Variants in ADAMTS6 observed in about 807,000 individuals in gnomAD.
ADAMTS6 encodes ADAM metallopeptidase with thrombospondin type 1 motif 6, also known as A disintegrin and metalloproteinase with thrombospondin motifs 6.
A neutral mutation model predicts 144.3 loss-of-function variants in ADAMTS6; 23 were observed. That is an observed-to-expected ratio of 0.16 (90% CI 0.11 to 0.23). The LOEUF (loss-of-function observed/expected upper bound fraction) is 0.23, where lower values mean the gene tolerates loss of function less well. ADAMTS6 is among the 10% of genes least tolerant of loss of function. The pLI is 1.00. For missense variants in ADAMTS6, 999 were observed against 1,379.6 expected (o/e 0.72, Z 4.37); for synonymous variants, 444 against 457.5 (o/e 0.97, Z 0.38).
chr5:65,218,360 C>G (rs73105135), intron 18 of ADAMTS6, among the ~76,000 whole-genome samples: 21,865 of 152,058 alleles, frequency 0.14, 1,659 homozygotes, highest in Non-Finnish European at 0.17. Context: ...AGTTACTTGA[C>G]ACCCTTTAAA....
intron 22 of ADAMTS6, among the ~76,000 whole-genome samples, chr5:65,186,303 C>T (rs1478550151): frequency 6.6e-6 from 1 of 152,192 alleles, no homozygotes; most frequent in East Asian, 1.9e-4. Context: ...ATTAATTATA[C>T]ATTTATACCT....
chr5:65,405,496 T>C (rs1241086208), intron 7 of ADAMTS6, among the ~76,000 whole-genome samples: 1 of 152,168 alleles, frequency 6.6e-6, no homozygotes, highest in African/African-American at 2.4e-5. Flanking sequence ...TTCTGTTCCA[T>C]TGATCTATAT....
intron 14 of ADAMTS6, among the ~76,000 whole-genome samples, chr5:65,253,862 C>A (rs1405299078): frequency 8.8e-6 from 1 of 113,250 alleles, no homozygotes; most frequent in African/African-American, 3.5e-5. Context: ...GGATCTCACT[C>A]TGTCATCCAG....
chr5:65,313,028 T>G (rs1471045723), intron 9 of ADAMTS6, among the ~76,000 whole-genome samples: 1 of 151,900 alleles, frequency 6.6e-6, no homozygotes, highest in African/African-American at 2.4e-5. Context: ...GCCTACAAAT[T>G]AACTTCTTTA....
chr5:65,470,688 A>ATT, intron 3 of ADAMTS6, 90 bp downstream of exon 3: 1 of 1,044,042 alleles, frequency 9.6e-7, no homozygotes, highest in Non-Finnish European at 1.3e-6. Flanking sequence ...CTATATATAT[A>ATT]TATATTTTTT....
chr5:65,274,369 C>T (rs1762291516), intron 11 of ADAMTS6, among the ~76,000 whole-genome samples: 1 of 151,866 alleles, frequency 6.6e-6, no homozygotes, highest in African/African-American at 2.4e-5. Flanking sequence ...AAGTTTTTAA[C>T]TTAAGCTAGA....
intron 7 of ADAMTS6, among the ~76,000 whole-genome samples, chr5:65,426,560 G>A (rs1210051854): frequency 6.6e-6 from 1 of 151,828 alleles, no homozygotes; most frequent in Non-Finnish European, 1.5e-5. Context: ...TGGATAGGAA[G>A]ATAAAAACAA....
In ADAMTS6 at chr5:65,407,599, TG is replaced by T. The variant is rs547666701; in HGVS notation, c.1073+43875del. 1.6e-4 allele frequency among the ~76,000 whole-genome samples: 24 copies of T among 151,390 alleles called. No individual in the cohort carries two copies. The East Asian group carries it at 3.5e-3, about 22-fold the overall frequency. On this transcript the variant is annotated intron_variant, in intron 7 of 24. Coordinates refer to ENST00000381055, the MANE Select transcript of ADAMTS6 (RefSeq NM_197941.4). Reference sequence around the variant, plus strand: ...TGAGAACATGCGGTGTTTGGTTTTTTGTCCTTGCAATAGTTTGCTGAGAATG... The same window carrying T: ...TGAGAACATGCGGTGTTTGGTTTTTTTCCTTGCAATAGTTTGCTGAGAATG...
Position 65,242,161 on chromosome 5 carries a change from C to T in ADAMTS6, c.1876G>A (p.Asp626Asn), listed in dbSNP as rs1179959156. The T allele has an allele frequency of 1.9e-6, 3 of 1,603,918 alleles. No individual in the cohort carries two copies. The highest frequency in any genetic ancestry group is 2.6e-6 in the Non-Finnish European group (3 of 1,173,528). ...CCTCGGAAAGGCATATTGTCAAAGTCTGCACACTGTTTCTCTCGAAAATCT... is the reference window on the plus strand; with the variant it reads ...CCTCGGAAAGGCATATTGTCAAAGTTTGCACACTGTTTCTCTCGAAAATCT... ...SRDFREKQCA[D>N]FDNMPFRGKY... The change falls in exon 15 of 25, where the codon GAC becomes AAC. Residue 626 changes from aspartate (D) to asparagine (N), a missense_variant. This residue lies in a region of ADAMTS6 where 619 missense variants were observed against 837.0 expected (regional missense o/e 0.74). Coordinates refer to ENST00000381055, the MANE Select transcript of ADAMTS6 (RefSeq NM_197941.4).
At chr5:65,179,147 C>G (rs1754171864) in intron 22 of ADAMTS6, among the ~76,000 whole-genome samples, 1 of 152,180 alleles carries the variant, frequency 6.6e-6, no homozygotes, top group Admixed American at 6.5e-5. Flanking sequence ...TGGACTTGTA[C>G]AGTAAGGACT....
chr5:65,360,329 T>A (rs1749710542), intron 7 of ADAMTS6, among the ~76,000 whole-genome samples: 1 of 152,016 alleles, frequency 6.6e-6, no homozygotes, highest in Non-Finnish European at 1.5e-5. Flanking sequence ...TAAACCACAA[T>A]AAATCACCCC....
intron 7 of ADAMTS6, among the ~76,000 whole-genome samples, chr5:65,389,302 T>C (rs1308936312): frequency 6.6e-6 from 1 of 152,194 alleles, no homozygotes; most frequent in East Asian, 1.9e-4. Context: ...ACAGGCATAC[T>C]AAGCCTCAGA....
intron 14 of ADAMTS6, chr5:65,251,172 A>C (rs1488396450): frequency 6.6e-6 from 1 of 152,334 alleles, no homozygotes; most frequent in Non-Finnish European, 1.5e-5. Context: ...ATTTTTCAGA[A>C]GATTGAGCAC....
chr5:65,412,507 C>T (rs1486997158), intron 7 of ADAMTS6, among the ~76,000 whole-genome samples: 1 of 152,046 alleles, frequency 6.6e-6, no homozygotes, highest in Admixed American at 6.5e-5. Context: ...TTAAGTATTT[C>T]TAAAGCAGTA....
At chr5:65,230,287 CATATATATATAT>C (rs70983664) in intron 15 of ADAMTS6, among the ~76,000 whole-genome samples, 1 of 64,968 alleles carries the variant, frequency 1.5e-5, no homozygotes, top group Non-Finnish European at 2.6e-5. Context: ...ATACCTAAAG[CATATATATATAT>C]ATATATATAT....
intron 3 of ADAMTS6, among the ~76,000 whole-genome samples, chr5:65,466,680 G>A (rs1288863381): frequency 2.0e-5 from 3 of 152,174 alleles, no homozygotes; most frequent in African/African-American, 7.2e-5. Flanking sequence ...GGATCATTGA[G>A]CTTTTCTAAC....
chr5:65,376,277 A>C (rs1751534371), intron 7 of ADAMTS6, among the ~76,000 whole-genome samples: 1 of 151,976 alleles, frequency 6.6e-6, no homozygotes, highest in Admixed American at 6.6e-5. Flanking sequence ...TAAAAAATAA[A>C]AACATAAAAA....
intron 8 of ADAMTS6, among the ~76,000 whole-genome samples, chr5:65,329,974 G>C (rs1463655167): frequency 6.6e-6 from 1 of 151,982 alleles, no homozygotes; most frequent in Non-Finnish European, 1.5e-5. Context: ...TAAAATGAAT[G>C]ATTCAAAAGA....
chr5:65,351,852 CA>C (rs753860953), intron 7 of ADAMTS6, among the ~76,000 whole-genome samples: 9 of 151,826 alleles, frequency 5.9e-5, no homozygotes, highest in East Asian at 5.8e-4. Context: ...TCAACAACAA[CA>C]AAATTAAACT....
Sources: allele counts gnomAD v4.1 joint callset (sites outside exome capture counted in the v4.1 genomes callset), GRCh38; gene constraint gnomAD v4.1.1; regional missense constraint gnomAD v4.1.1; transcripts MANE v1.5; gene names NCBI Gene and HGNC (gene_info 2026-07-23, HGNC 2026-07-21).